The following TTC29 variants were observed in gnomAD, a reference collection of about 807,000 sequenced individuals.
TTC29 encodes tetratricopeptide repeat protein 29.
In TTC29, 49 loss-of-function variants were observed where a neutral mutation model predicts 58.1. The ratio of observed to expected loss-of-function variants is 0.84; its 90% confidence interval spans 0.67 to 1.07. The LOEUF is 1.07. Among genes scored for constraint, TTC29 ranks in the 50% least tolerant of loss-of-function variants. The pLI, the probability that TTC29 is intolerant of heterozygous loss-of-function variation, is 0.00. For missense variants in TTC29, 582 were observed against 555.6 expected (o/e 1.05, Z -0.48); for synonymous variants, 209 against 196.8 (o/e 1.06, Z -0.52).
At chr4:146,861,509 T>C (rs1161416346) in intron 8 of TTC29, among the ~76,000 whole-genome samples, 1 of 152,196 alleles carries the variant, frequency 6.6e-6, no homozygotes, top group East Asian at 1.9e-4. Flanking sequence ...TCCTTACTAG[T>C]AGGTGTTTCA....
intron 11 of TTC29, chr4:146,763,704 T>C (rs535709643): frequency 2.5e-4 from 38 of 152,210 alleles, no homozygotes; most frequent in African/African-American, 7.5e-4. Flanking sequence ...GAGAGCATAG[T>C]AGGATGACAG....
chr4:146,944,938 A>C (rs560253434), intron 2 of TTC29, 93 bp downstream of exon 2: 11 of 152,320 alleles, frequency 7.2e-5, no homozygotes, highest in African/African-American at 2.4e-4. Flanking sequence ...ATAAATAGAA[A>C]ACACACATTT....
chr4:146,744,896 T>C (rs1019114687), intron 11 of TTC29, among the ~76,000 whole-genome samples: 3 of 152,202 alleles, frequency 2.0e-5, no homozygotes, highest in East Asian at 1.9e-4. Context: ...TGAGTTGTAT[T>C]AAAGGTAGGG....
At chr4:146,916,508 C>T (rs1045429981) in intron 4 of TTC29, among the ~76,000 whole-genome samples, 2 of 151,660 alleles carry the variant, frequency 1.3e-5, no homozygotes, top group African/African-American at 4.8e-5. Flanking sequence ...GGGCTACCAA[C>T]AGCCATATAT....
intron 11 of TTC29, among the ~76,000 whole-genome samples, chr4:146,755,124 G>C (rs1040915680): frequency 6.6e-6 from 1 of 151,850 alleles, no homozygotes; most frequent in Non-Finnish European, 1.5e-5. Context: ...ATTTTTAAAA[G>C]TCCCATTAAT....
At chr4:146,876,803 G>A (rs999934997) in intron 6 of TTC29, among the ~76,000 whole-genome samples, 2 of 151,976 alleles carry the variant, frequency 1.3e-5, no homozygotes, top group Admixed American at 6.6e-5. Context: ...AGCCATGGTG[G>A]TGCACACCTG....
At chr4:146,840,869 T>G (rs1728811300) in intron 8 of TTC29, among the ~76,000 whole-genome samples, 2 of 152,062 alleles carry the variant, frequency 1.3e-5, no homozygotes, top group Admixed American at 6.6e-5. Flanking sequence ...GAATAAATGA[T>G]ACAATGAGAA....
At chr4:146,894,623 A>T (rs1330474700) in intron 6 of TTC29, among the ~76,000 whole-genome samples, 1 of 152,102 alleles carries the variant, frequency 6.6e-6, no homozygotes, top group African/African-American at 2.4e-5. Context: ...TGGCACATGT[A>T]TACATATGTA....
chr4:146,930,420 C>A (rs556451395), intron 4 of TTC29, among the ~76,000 whole-genome samples: 1 of 151,996 alleles, frequency 6.6e-6, no homozygotes, highest in African/African-American at 2.4e-5. Flanking sequence ...CAGAAAAGTC[C>A]CTGGTCTGGT....
intron 6 of TTC29, among the ~76,000 whole-genome samples, chr4:146,886,164 CT>C (rs1462993379): frequency 6.6e-6 from 1 of 152,018 alleles, no homozygotes; most frequent in African/African-American, 2.4e-5. Flanking sequence ...GATAATCATC[CT>C]TTCTTTCAAT....
chr4:146,900,571 GC>G (rs1315355799), intron 6 of TTC29, among the ~76,000 whole-genome samples: 1 of 152,080 alleles, frequency 6.6e-6, no homozygotes, highest in Non-Finnish European at 1.5e-5. Flanking sequence ...TAACCACAGG[GC>G]CCATAGGCAG....
intron 11 of TTC29, among the ~76,000 whole-genome samples, chr4:146,760,935 A>G (rs1005024054): frequency 6.6e-6 from 1 of 151,220 alleles, no homozygotes; most frequent in East Asian, 1.9e-4. Context: ...ATCTACAGTG[A>G]CCTGGATGAG....
chr4:146,869,118 A>AC (rs1491207260), intron 7 of TTC29, among the ~76,000 whole-genome samples: 1 of 146,012 alleles, frequency 6.8e-6, no homozygotes, highest in East Asian at 2.0e-4. Context: ...AAAAAAAAAA[A>AC]ACCTCTTTTC....
At chr4:146,714,601 G>GA (rs369522006) in intron 11 of TTC29, among the ~76,000 whole-genome samples, 169 of 135,938 alleles carry the variant, frequency 1.2e-3, no homozygotes, top group African/African-American at 2.8e-3. Context: ...AAAAGAAAAA[G>GA]AAAAAAAAAA....
At chr4:146,743,549 C>G (rs1484665442) in intron 11 of TTC29, among the ~76,000 whole-genome samples, 1 of 152,150 alleles carries the variant, frequency 6.6e-6, no homozygotes, top group East Asian at 1.9e-4. Context: ...GTAAGACACT[C>G]TGGTTTTATG....
At chr4:146,761,626 G>A (rs571041474) in intron 11 of TTC29, among the ~76,000 whole-genome samples, 1 of 151,450 alleles carries the variant, frequency 6.6e-6, no homozygotes, top group South Asian at 2.1e-4. Context: ...TAGATTTGGA[G>A]GTTGCAGGAG....
intron 11 of TTC29, among the ~76,000 whole-genome samples, chr4:146,788,283 TA>T (rs972893879): frequency 2.0e-5 from 3 of 152,244 alleles, no homozygotes; most frequent in African/African-American, 7.2e-5. Context: ...TATGTCAGAA[TA>T]TTTTGCTTTG....
intron 8 of TTC29, among the ~76,000 whole-genome samples, chr4:146,863,664 AT>A (rs1224018869): frequency 1.3e-5 from 2 of 152,168 alleles, no homozygotes; most frequent in Non-Finnish European, 2.9e-5. Context: ...GGCTGCCGTG[AT>A]TATAGAGGCT....
At chr4:146,867,667 A>G in intron 7 of TTC29, 84 bp from the exon 8 acceptor site, 1 of 639,546 alleles carries the variant, frequency 1.6e-6, no homozygotes, top group Non-Finnish European at 2.5e-6. Flanking sequence ...TCAAGACAGT[A>G]GAAAATTATT....
Sources: allele counts gnomAD v4.1 joint callset (sites outside exome capture counted in the v4.1 genomes callset), GRCh38; gene constraint gnomAD v4.1.1; transcripts MANE v1.5; gene names NCBI Gene and HGNC (gene_info 2026-07-23, HGNC 2026-07-21).